Variants in HOOK1 observed in about 807,000 individuals in gnomAD.
HOOK1 encodes the protein hook microtubule tethering protein 1, also known as protein Hook homolog 1.
A neutral mutation model predicts 112.8 loss-of-function variants in HOOK1; 60 were observed. That is an observed-to-expected ratio of 0.53 (90% CI 0.43 to 0.66). The LOEUF (loss-of-function observed/expected upper bound fraction) is 0.66, where lower values mean the gene tolerates loss of function less well. Ranked by LOEUF, HOOK1 falls within the 30% of genes least tolerant of loss-of-function variation. The pLI is 0.00. For synonymous variants in HOOK1, 294 were observed against 283.8 expected, an observed-to-expected ratio of 1.04 and a Z score of -0.36; for missense variants, 770 against 856.0, an observed-to-expected ratio of 0.90 and a Z score of 1.25.
intron 10 of HOOK1, 60 bp from the exon 11 acceptor site, chr1:59,848,255 A>T: frequency 1.7e-6 from 2 of 1,143,102 alleles, no homozygotes; most frequent in Non-Finnish European, 2.5e-6. Flanking sequence ...TTATAGCCAG[A>T]GTAAAATTAT....
At chr1:59,862,567 A>G (rs114166513) in intron 15 of HOOK1, among the ~76,000 whole-genome samples, 575 of 152,316 alleles carry the variant, frequency 3.8e-3, no homozygotes, top group Non-Finnish European at 6.2e-3. Context: ...AAATGTAGGC[A>G]TATATACTTT....
chr1:59,826,572 G>C (rs982747621), intron 2 of HOOK1, among the ~76,000 whole-genome samples: 13 of 152,140 alleles, frequency 8.5e-5, no homozygotes, highest in African/African-American at 2.4e-4. Context: ...GGAAAAACTA[G>C]AGAAAAATAC....
chr1:59,829,017 A>G (rs2098391961), intron 3 of HOOK1, among the ~76,000 whole-genome samples, 165 bp downstream of exon 3: 2 of 152,156 alleles, frequency 1.3e-5, no homozygotes, highest in South Asian at 4.1e-4. Flanking sequence ...ATAATTAAAT[A>G]GAAAATATTC....
At chr1:59,833,655 C>A in intron 5 of HOOK1, 118 bp downstream of exon 5, 1 of 817,874 alleles carries the variant, frequency 1.2e-6, no homozygotes, top group Non-Finnish European at 1.8e-6. Flanking sequence ...GAAACGTAAA[C>A]CAGAAGATCT....
chr1:59,863,829 C>G, intron 16 of HOOK1: 1 of 965,448 alleles, frequency 1.0e-6, no homozygotes, highest in Non-Finnish European at 1.2e-6. Context: ...AAATAGAAAT[C>G]GTCTCATGCA....
intron 6 of HOOK1, 130 bp from the exon 7 acceptor site, chr1:59,836,743 G>T (rs911070195): frequency 2.0e-5 from 11 of 548,832 alleles, no homozygotes; most frequent in Admixed American, 9.6e-5. Flanking sequence ...TCTGAATAGC[G>T]TTCTAAGGAT....
chr1:59,853,999 TAA>T (rs2098408664), intron 12 of HOOK1, among the ~76,000 whole-genome samples: 1 of 87,502 alleles, frequency 1.1e-5, no homozygotes. Flanking sequence ...ACATTAATCT[TAA>T]ATATATATAT....
rs2098414866 is a variant in HOOK1 at position 59,863,822 on chromosome 1, T to C, written c.1627-810T>C. 3.1e-6 allele frequency: 3 copies of C among 963,300 alleles called. 1 individual carries two copies. Among genetic ancestry groups the C allele is most frequent in the South Asian group, 9.6e-5 (2 of 20,806 alleles). 59.7% of individuals were successfully genotyped at this position (963,300 alleles called of 1,614,324 possible). A position where few individuals can be genotyped will look rare whatever the true frequency, so the allele number is the denominator to read the frequency against. Reference sequence around the variant, plus strand: ...TTTTTTTCCCTGGGGGCTTGGAAAATAGAAATCGTCTCATGCATGGCGGCA... The same window carrying C: ...TTTTTTTCCCTGGGGGCTTGGAAAACAGAAATCGTCTCATGCATGGCGGCA... On this transcript the variant is annotated intron_variant, in intron 16 of 21. Coordinates refer to ENST00000371208, the MANE Select transcript of HOOK1 (RefSeq NM_015888.6).
intron 1 of HOOK1, among the ~76,000 whole-genome samples, chr1:59,818,977 A>G (rs1021147884): frequency 6.6e-6 from 1 of 152,122 alleles, no homozygotes; most frequent in Non-Finnish European, 1.5e-5. Flanking sequence ...TTATTTAGAA[A>G]TATAGAAGAG....
rs751574912 is a variant in HOOK1 at position 59,871,022 on chromosome 1, T to G, written c.1948-20T>G. On this transcript the variant is annotated intron_variant, in intron 20 of 21. Coordinates refer to ENST00000371208, the MANE Select transcript of HOOK1 (RefSeq NM_015888.6). ...GGGGTAATTTCTGGGATTTTAATTGTTCTCATATCTTTTTTCCAGAGTGAA... is the reference window on the plus strand; with the variant it reads ...GGGGTAATTTCTGGGATTTTAATTGGTCTCATATCTTTTTTCCAGAGTGAA... The G allele has an allele frequency of 4.0e-6, 6 of 1,513,986 alleles. No homozygotes were observed. The highest frequency in any genetic ancestry group is 5.5e-6 in the Non-Finnish European group (6 of 1,091,006). The allele number at this position is 1,513,986 out of a possible 1,614,324, so 93.8% of individuals were successfully genotyped here.
At chr1:59,827,927 A>G (rs148059142) in intron 2 of HOOK1, among the ~76,000 whole-genome samples, 240 of 152,274 alleles carry the variant, frequency 1.6e-3, no homozygotes, top group African/African-American at 5.5e-3. Flanking sequence ...TTCCAGCATA[A>G]ACATTCTGTG....
chr1:59,818,426 A>C (rs759493973), intron 1 of HOOK1, among the ~76,000 whole-genome samples: 4 of 152,196 alleles, frequency 2.6e-5, no homozygotes, highest in Non-Finnish European at 5.9e-5. Context: ...TTTGGAACTC[A>C]CCGTCTTAAA....
Position 59,840,589 on chromosome 1 carries a change from G to C in HOOK1, c.621+198G>C, listed in dbSNP as rs183019143. Among the ~76,000 whole-genome samples the C allele has an allele frequency of 7.9e-5, 12 of 151,994 alleles. No individual in the cohort carries two copies. In the East Asian group the frequency reaches 1.9e-3, roughly 24 times the overall value. On this transcript the variant is annotated intron_variant, in intron 8 of 21. Coordinates refer to ENST00000371208, the MANE Select transcript of HOOK1 (RefSeq NM_015888.6). ...TTTTCTCTGATAGTTGAAATTTGCT[G>C]GCTTAACTTTCTTTGAGAAAATCAC...
intron 14 of HOOK1, among the ~76,000 whole-genome samples, chr1:59,859,970 A>G (rs143861044): frequency 1.3e-5 from 2 of 152,128 alleles, no homozygotes; most frequent in East Asian, 1.9e-4. Flanking sequence ...GCTTTTTTTT[A>G]AAGGCACAGT....
chr1:59,846,575 C>A (rs1253264890), intron 9 of HOOK1, among the ~76,000 whole-genome samples: 5 of 86,308 alleles, frequency 5.8e-5, no homozygotes, highest in Admixed American at 1.2e-4. Flanking sequence ...TCCTTCCTTC[C>A]TTCCTTCCTT....
intron 12 of HOOK1, among the ~76,000 whole-genome samples, chr1:59,857,027 G>A (rs934420449): frequency 2.0e-5 from 3 of 152,130 alleles, no homozygotes; most frequent in African/African-American, 7.2e-5. Flanking sequence ...AGGCTCTTGT[G>A]TACCATAGCC....
At position 59,815,151 on chromosome 1, in the gene HOOK1, C is replaced by T. The variant is rs1389117243; in HGVS notation, c.34C>T (p.Leu12=). 6.5e-7 allele frequency: 1 copy of T among 1,543,680 alleles called. No homozygotes were observed. ...GACGCAGCCGCCGCCGCAGCCTAAG[C>T]TGCCCCTGTGCGACAGCCTCATGAT... ...EETQPPPQPK[L]PLCDSLMIWL... Residue 12 remains leucine (L), a synonymous_variant, in exon 1 of 22, where the codon CTG becomes TTG. Transcript: ENST00000371208.
At chr1:59,838,252 T>C (rs1374047689) in intron 7 of HOOK1, among the ~76,000 whole-genome samples, 1 of 152,212 alleles carries the variant, frequency 6.6e-6, no homozygotes, top group African/African-American at 2.4e-5. Flanking sequence ...TAGTTCTAGA[T>C]CCTTGAGGAA....
At chr1:59,823,181 A>G (rs557308319) in intron 2 of HOOK1, among the ~76,000 whole-genome samples, 43 of 152,208 alleles carry the variant, frequency 2.8e-4, no homozygotes, top group South Asian at 8.3e-4. Context: ...TTAGCCAGGC[A>G]TGGTGGCGGG....
Sources: allele counts gnomAD v4.1 joint callset (sites outside exome capture counted in the v4.1 genomes callset), GRCh38; gene constraint gnomAD v4.1.1; transcripts MANE v1.5; gene names NCBI Gene and HGNC (gene_info 2026-07-23, HGNC 2026-07-21).